The following IL1RAPL2 variants were observed in gnomAD, a reference collection of about 807,000 sequenced individuals.
The protein encoded by IL1RAPL2 is interleukin 1 receptor accessory protein like 2.
IL1RAPL2 carries 3 observed loss-of-function variants against 44.1 expected under a neutral mutation model. The observed-to-expected ratio is 0.07, with a 90% confidence interval of 0.03 to 0.18. IL1RAPL2 has a LOEUF of 0.18. Ranked by LOEUF, IL1RAPL2 falls within the 10% of genes least tolerant of loss-of-function variation. IL1RAPL2 has a pLI of 1.00. For synonymous variants in IL1RAPL2, 181 were observed against 178.8 expected, an observed-to-expected ratio of 1.01 and a Z score of -0.10; for missense variants, 391 against 496.4, an observed-to-expected ratio of 0.79 and a Z score of 2.02.
intron 2 of IL1RAPL2, among the ~76,000 whole-genome samples, chrX:105,079,145 G>C (rs909161384): frequency 1.2e-4 from 13 of 111,829 alleles, no homozygotes; most frequent in Admixed American, 7.6e-4. Flanking sequence ...CTGTAGACTG[G>C]AGCTCGCCAA....
intron 5 of IL1RAPL2, among the ~76,000 whole-genome samples, chrX:105,377,007 AAAGT>A (rs1319461588): frequency 8.9e-6 from 1 of 112,275 alleles, no homozygotes; most frequent in Non-Finnish European, 1.9e-5. Context: ...GCAGGTAACA[AAAGT>A]AATTCCATCT....
In IL1RAPL2 at chrX:105,499,912, G is replaced by C. The variant is rs145220862; in HGVS notation, c.772+15525G>C. ...AATTTCACTTCTGAATATTTGCCAA[G>C]ATGTGGAAACAACCTAAACATCCAT... On this transcript the variant is annotated intron_variant, in intron 6 of 10. Coordinates refer to ENST00000372582, the MANE Select transcript of IL1RAPL2 (RefSeq NM_017416.2). Among the ~76,000 whole-genome samples the C allele has an allele frequency of 5.6e-3, 625 of 111,987 alleles. 5 individuals carry two copies. Among genetic ancestry groups the C allele is most frequent in the African/African-American group, 0.019 (583 of 30,838 alleles).
At chrX:105,243,583 A>G (rs868990144) in intron 4 of IL1RAPL2, among the ~76,000 whole-genome samples, 31 of 94,979 alleles carry the variant, frequency 3.3e-4, no homozygotes, top group East Asian at 1.2e-3. Flanking sequence ...ATATATATAT[A>G]TGTGTATATA....
At chrX:104,985,310 A>G (rs1298677197) in intron 2 of IL1RAPL2, among the ~76,000 whole-genome samples, 1 of 383 alleles carries the variant, frequency 2.6e-3, no homozygotes, top group Non-Finnish European at 5.2e-3. Context: ...CTGGTCTCGA[A>G]CTCCTGGGTC....
At chrX:105,248,290 AAAG>A (rs2034239512) in intron 4 of IL1RAPL2, among the ~76,000 whole-genome samples, 1 of 111,611 alleles carries the variant, frequency 9.0e-6, no homozygotes, top group African/African-American at 3.3e-5. Context: ...AAATATTGGA[AAAG>A]AAGAGACAAA....
chrX:105,115,641 A>G (rs1334177792), intron 2 of IL1RAPL2, among the ~76,000 whole-genome samples: 1 of 112,757 alleles, frequency 8.9e-6, no homozygotes, highest in Non-Finnish European at 1.9e-5. Flanking sequence ...AGCTAGACAT[A>G]AAGATTCTCC....
At chrX:105,222,497 G>C (rs1443533203) in intron 3 of IL1RAPL2, among the ~76,000 whole-genome samples, 2 of 111,943 alleles carry the variant, frequency 1.8e-5, no homozygotes, top group Non-Finnish European at 3.8e-5. Flanking sequence ...CAGTGGAAAG[G>C]GTTCATGTTT....
intron 2 of IL1RAPL2, among the ~76,000 whole-genome samples, chrX:105,017,166 G>C (rs1386366192): frequency 9.1e-6 from 1 of 110,254 alleles, no homozygotes; most frequent in Non-Finnish European, 1.9e-5. Flanking sequence ...TTTATCATTT[G>C]TATTGTGTCT....
Position 105,029,727 on chromosome X carries a change from T to C in IL1RAPL2, c.83-165748T>C, listed in dbSNP as rs780474163. Among the ~76,000 whole-genome samples, 531 of 111,014 alleles carry C rather than the reference T, an allele frequency of 4.8e-3. 3 individuals carry two copies. The highest frequency in any genetic ancestry group is 0.017 in the African/African-American group (509 of 30,450). ...CAATAAACATACGTGTGCATGTATC[T>C]TTATAGCAGCATGATTTATAATCCT... On this transcript the variant is annotated intron_variant, in intron 2 of 10. Transcript: ENST00000372582.
At chrX:105,539,810 TAAAC>T (rs752960805) in intron 6 of IL1RAPL2, among the ~76,000 whole-genome samples, 6 of 111,297 alleles carry the variant, frequency 5.4e-5, no homozygotes, top group Admixed American at 9.6e-5. Flanking sequence ...GTGATGAACT[TAAAC>T]AATTGTACAA....
intron 2 of IL1RAPL2, among the ~76,000 whole-genome samples, chrX:104,880,437 T>C (rs1371736073): frequency 9.0e-6 from 1 of 111,692 alleles, no homozygotes; most frequent in Non-Finnish European, 1.9e-5. Flanking sequence ...AGGAATCAGA[T>C]AACATTTATT....
intron 6 of IL1RAPL2, among the ~76,000 whole-genome samples, chrX:105,684,510 G>A (rs1430666759): frequency 8.9e-6 from 1 of 112,611 alleles, no homozygotes; most frequent in East Asian, 2.8e-4. Flanking sequence ...GGCTTGAGTA[G>A]GTGAACAAAG....
intron 2 of IL1RAPL2, among the ~76,000 whole-genome samples, chrX:105,086,786 AAAAT>A (rs1009826899): frequency 3.6e-5 from 4 of 110,392 alleles, no homozygotes; most frequent in Non-Finnish European, 5.7e-5. Context: ...AGTTTATAAT[AAAAT>A]AAATAATTAA....
intron 2 of IL1RAPL2, among the ~76,000 whole-genome samples, chrX:104,929,068 T>C (rs1217049240): frequency 9.0e-6 from 1 of 111,613 alleles, no homozygotes; most frequent in African/African-American, 3.3e-5. Context: ...TGTTCCCAAG[T>C]TGACTTGTAT....
At chrX:105,424,293 G>T (rs1311531794) in intron 5 of IL1RAPL2, among the ~76,000 whole-genome samples, 1 of 111,391 alleles carries the variant, frequency 9.0e-6, no homozygotes, top group Non-Finnish European at 1.9e-5. Flanking sequence ...GTCTGGAAAG[G>T]CAGGACAACT....
intron 2 of IL1RAPL2, among the ~76,000 whole-genome samples, chrX:104,977,677 G>T (rs759263252): frequency 8.9e-6 from 1 of 112,036 alleles, no homozygotes; most frequent in African/African-American, 3.2e-5. Context: ...ACCCAGGAAA[G>T]AATTCAAGGG....
intron 2 of IL1RAPL2, among the ~76,000 whole-genome samples, chrX:105,146,900 A>C (rs948392738): frequency 1.8e-5 from 2 of 111,863 alleles, no homozygotes; most frequent in Non-Finnish European, 3.8e-5. Flanking sequence ...CATCTTGAAG[A>C]AGGGTATTAT....
intron 1 of IL1RAPL2, chrX:104,647,468 T>A: frequency 1.7e-6 from 1 of 592,402 alleles, no homozygotes; most frequent in African/African-American, 2.2e-5. Flanking sequence ...TTCTGTGAAC[T>A]CCTTCCCGAA....
chrX:105,728,770 G>C (rs751124954), intron 7 of IL1RAPL2, among the ~76,000 whole-genome samples: 2 of 111,105 alleles, frequency 1.8e-5, no homozygotes, highest in Non-Finnish European at 3.8e-5. Flanking sequence ...GTGTTATACA[G>C]TTCTATGGTT....
Sources: gnomAD v4.1 joint callset for allele counts (sites outside exome capture counted in the v4.1 genomes callset) on GRCh38, gnomAD v4.1.1 for gene constraint, MANE v1.5 for transcripts, NCBI Gene and HGNC (gene_info 2026-07-23, HGNC 2026-07-21) for gene names.